The following CCNY variants were observed in gnomAD, a reference collection of about 807,000 sequenced individuals.
CCNY encodes cyclin-Y.
In CCNY, 19 loss-of-function variants were observed where a neutral mutation model predicts 42.8. The ratio of observed to expected loss-of-function variants is 0.44; its 90% CI spans 0.31 to 0.65. CCNY has a LOEUF of 0.65. Ranked by LOEUF, CCNY falls within the 30% of genes least tolerant of loss-of-function variation. The probability of loss-of-function intolerance (pLI) is 0.07; values close to 1 mark genes in which losing one functional copy is unlikely to be tolerated. For synonymous variants in CCNY, 165 were observed against 162.7 expected (o/e 1.01, Z -0.11); for missense variants, 370 against 437.3 (o/e 0.85, Z 1.37).
At chr10:35,362,952 C>T (rs973341369) in intron 1 of CCNY, among the ~76,000 whole-genome samples, 1 of 152,010 alleles carries the variant, frequency 6.6e-6, no homozygotes, top group East Asian at 1.9e-4. Context: ...GGTCGGTGGC[C>T]GTACAGAGGC....
At chr10:35,480,070 G>T (rs1261171979) in intron 1 of CCNY, among the ~76,000 whole-genome samples, 1 of 151,898 alleles carries the variant, frequency 6.6e-6, no homozygotes, top group Non-Finnish European at 1.5e-5. Context: ...TTTTCTTCAA[G>T]ATCTGGCCTG....
At chr10:35,529,137 A>G (rs889003402) in intron 5 of CCNY, among the ~76,000 whole-genome samples, 1 of 152,222 alleles carries the variant, frequency 6.6e-6, no homozygotes, top group Non-Finnish European at 1.5e-5. Flanking sequence ...CCAGCCTGGT[A>G]AGAGCTAACT....
chr10:35,532,200 G>T (rs755767913), intron 7 of CCNY, among the ~76,000 whole-genome samples: 5 of 152,220 alleles, frequency 3.3e-5, no homozygotes, highest in Non-Finnish European at 5.9e-5. Context: ...GCACAGAGAC[G>T]TGTGCCTTGA....
At chr10:35,263,356 CAAAAAAAAAAAAAAA>C (rs71523372) in intron 3 of CCNY, among the ~76,000 whole-genome samples, 1 of 44,298 alleles carries the variant, frequency 2.3e-5, no homozygotes, top group Non-Finnish European at 4.1e-5. Context: ...GACTCCGTCT[CAAAAAAAAAAAAAAA>C]AAAAAAAAAA....
chr10:35,340,133 CAAAG>C (rs1836144208), intron 1 of CCNY, among the ~76,000 whole-genome samples: 2 of 152,124 alleles, frequency 1.3e-5, no homozygotes, highest in South Asian at 4.1e-4. Context: ...TACTTTAAGA[CAAAG>C]AAATGAGTCA....
intron 1 of CCNY, among the ~76,000 whole-genome samples, chr10:35,400,346 C>G (rs1265153524): frequency 6.6e-6 from 1 of 152,116 alleles, no homozygotes; most frequent in Non-Finnish European, 1.5e-5. Context: ...CCTGTTTTCC[C>G]CCTCCCCTCA....
intron 1 of CCNY, among the ~76,000 whole-genome samples, chr10:35,397,762 CTGTG>C (rs1207173707): frequency 6.6e-6 from 1 of 152,206 alleles, no homozygotes; most frequent in Non-Finnish European, 1.5e-5. Flanking sequence ...ATGGCCCCAG[CTGTG>C]TGTGGGCTGC....
At chr10:35,370,728 T>G (rs1450313285) in intron 1 of CCNY, among the ~76,000 whole-genome samples, 2 of 151,774 alleles carry the variant, frequency 1.3e-5, no homozygotes, top group Non-Finnish European at 2.9e-5. Context: ...TATTTTATTT[T>G]TTTTTGAGAT....
chr10:35,386,837 C>T (rs192569225), intron 1 of CCNY, among the ~76,000 whole-genome samples: 12 of 144,320 alleles, frequency 8.3e-5, no homozygotes, highest in African/African-American at 3.1e-4. Context: ...TTAGTAAAAC[C>T]TGTTTTTTTG....
chr10:35,328,147 T>C (rs1022373046), intron 3 of CCNY, among the ~76,000 whole-genome samples: 4 of 152,158 alleles, frequency 2.6e-5, no homozygotes, highest in African/African-American at 9.7e-5. Context: ...ACTGGCAATT[T>C]TGGGCCCCCT....
At chr10:35,429,260 A>G (rs1341512413) in intron 1 of CCNY, among the ~76,000 whole-genome samples, 1 of 152,268 alleles carries the variant, frequency 6.6e-6, no homozygotes, top group Admixed American at 6.5e-5. Flanking sequence ...TTGGTTTTCA[A>G]AAATGTAAAA....
intron 3 of CCNY, among the ~76,000 whole-genome samples, chr10:35,292,137 T>C (rs1353660505): frequency 1.3e-5 from 2 of 152,192 alleles, no homozygotes; most frequent in Non-Finnish European, 2.9e-5. Context: ...CTTTTCATGG[T>C]TTATTGGCCA....
At chr10:35,315,727 T>C (rs1835752494) in intron 3 of CCNY, among the ~76,000 whole-genome samples, 1 of 152,212 alleles carries the variant, frequency 6.6e-6, no homozygotes, top group Non-Finnish European at 1.5e-5. Context: ...TGTATAAGCA[T>C]TCCCTTTTCT....
chr10:35,419,874 A>G (rs961726978), intron 1 of CCNY, among the ~76,000 whole-genome samples: 1 of 151,612 alleles, frequency 6.6e-6, no homozygotes, highest in African/African-American at 2.4e-5. Context: ...ACAGATTACT[A>G]ATTTCTAGGC....
intron 3 of CCNY, among the ~76,000 whole-genome samples, chr10:35,314,016 T>C (rs901570238): frequency 2.0e-5 from 3 of 151,108 alleles, no homozygotes; most frequent in Admixed American, 1.3e-4. Flanking sequence ...ATACTGGTTA[T>C]TTTTTGTGGG....
chr10:35,387,809 A>T (rs1304220047), intron 1 of CCNY, among the ~76,000 whole-genome samples: 2 of 152,220 alleles, frequency 1.3e-5, no homozygotes, highest in Admixed American at 6.5e-5. Context: ...GATCCACGTA[A>T]GAATATTTAA....
intron 3 of CCNY, among the ~76,000 whole-genome samples, chr10:35,329,853 C>G (rs1012058393): frequency 9.2e-5 from 14 of 152,112 alleles, no homozygotes; most frequent in African/African-American, 3.4e-4. Flanking sequence ...TGAGAAGCTA[C>G]TGACAGATTT....
intron 3 of CCNY, among the ~76,000 whole-genome samples, chr10:35,315,748 C>T (rs1029125927): frequency 3.3e-5 from 5 of 152,126 alleles, no homozygotes; most frequent in African/African-American, 1.2e-4. Context: ...CTACAAGCTC[C>T]CCAGCATCTG....
Position 35,336,903 on chromosome 10 carries a change from C to A in CCNY, c.-151C>A. On this transcript the variant is annotated 5_prime_UTR_variant, in exon 1 of 10. Coordinates refer to ENST00000374704, the MANE Select transcript of CCNY (RefSeq NM_145012.6). ...CCCGCCGCCGCCGCCGCTGCTGACC[C>A]GGCGGCCGGCCGCCGTTCCGCCCCC... 5.5e-6 allele frequency: 1 copy of A among 181,824 alleles called. No individual in the cohort carries two copies. The highest frequency in any genetic ancestry group is 6.4e-6 in the Non-Finnish European group (1 of 156,178). 11.3% of individuals were successfully genotyped at this position (181,824 alleles called of 1,614,324 possible).
Sources: allele counts gnomAD v4.1 joint callset (sites outside exome capture counted in the v4.1 genomes callset), GRCh38; gene constraint gnomAD v4.1.1; transcripts MANE v1.5; gene names NCBI Gene and HGNC (gene_info 2026-07-23, HGNC 2026-07-21).